The following EMSY variants were observed in gnomAD, a reference collection of about 807,000 sequenced individuals.
EMSY encodes EMSY transcriptional repressor, BRCA2 interacting, also known as BRCA2-interacting transcriptional repressor EMSY.
A neutral mutation model predicts 134.6 loss-of-function variants in EMSY; 26 were observed. That is an observed-to-expected ratio of 0.19 (90% CI 0.14 to 0.27). The LOEUF (loss-of-function observed/expected upper bound fraction) is 0.27. EMSY is among the 10% of genes least tolerant of loss of function. The pLI is 1.00. For missense variants in EMSY, 1,305 were observed against 1,611.4 expected, an observed-to-expected ratio of 0.81 and a Z score of 3.26; for synonymous variants, 579 against 577.8, an observed-to-expected ratio of 1.00 and a Z score of -0.03.
At chr11:76,499,181 C>T (rs867433286) in intron 9 of EMSY, among the ~76,000 whole-genome samples, 7 of 150,568 alleles carry the variant, frequency 4.6e-5, no homozygotes, top group Non-Finnish European at 5.9e-5. Flanking sequence ...AGGCTGGTCT[C>T]GAATGCTGAT....
At chr11:76,471,787 C>T (rs1948579376) in intron 7 of EMSY, among the ~76,000 whole-genome samples, 1 of 152,146 alleles carries the variant, frequency 6.6e-6, no homozygotes, top group African/African-American at 2.4e-5. Flanking sequence ...TACTTCTCTG[C>T]AGTTGTCTAC....
chr11:76,451,797 A>G, intron 2 of EMSY, 61 bp from the exon 3 acceptor site: 1 of 1,048,582 alleles, frequency 9.5e-7, no homozygotes, highest in Non-Finnish European at 1.3e-6. Context: ...GTTTCACTAT[A>G]CATAGCCATA....
chr11:76,467,984 A>G (rs1948423095), intron 7 of EMSY, among the ~76,000 whole-genome samples: 1 of 151,426 alleles, frequency 6.6e-6, no homozygotes. Flanking sequence ...CATCTCAAAA[A>G]AAAAAAACAA....
At chr11:76,484,428 C>A (rs542700267) in intron 8 of EMSY, among the ~76,000 whole-genome samples, 4 of 151,994 alleles carry the variant, frequency 2.6e-5, no homozygotes, top group African/African-American at 9.7e-5. Flanking sequence ...GATAGAGATA[C>A]GAAAAACCCT....
intron 11 of EMSY, among the ~76,000 whole-genome samples, chr11:76,517,785 T>C (rs1950497966): frequency 1.3e-5 from 2 of 152,216 alleles, no homozygotes; most frequent in African/African-American, 4.8e-5. Flanking sequence ...TGAGTGTACA[T>C]GAGTAGAGAC....
intron 6 of EMSY, among the ~76,000 whole-genome samples, chr11:76,461,593 T>C (rs1948119507): frequency 6.6e-6 from 1 of 152,242 alleles, no homozygotes; most frequent in South Asian, 2.1e-4. Context: ...GCCAAGGTGG[T>C]CTTTTAAAAT....
intron 14 of EMSY, among the ~76,000 whole-genome samples, chr11:76,529,497 A>G (rs1950958471): frequency 6.6e-6 from 1 of 152,222 alleles, no homozygotes; most frequent in South Asian, 2.1e-4. Context: ...CATACTAAGC[A>G]TTATGCTAGA....
At chr11:76,520,641 CAG>C in intron 11 of EMSY, among the ~76,000 whole-genome samples, 1 of 152,202 alleles carries the variant, frequency 6.6e-6, no homozygotes, top group East Asian at 1.9e-4. Context: ...TATGTAACCT[CAG>C]AGCATGTTAC....
At position 76,513,832 on chromosome 11, in the gene EMSY, G is replaced by A. The variant is rs570758790; in HGVS notation, c.1513+297G>A. 3.3e-5 allele frequency among the ~76,000 whole-genome samples: 5 copies of A among 152,158 alleles called. No individual in the cohort carries two copies. The East Asian group carries it at 7.7e-4, about 23-fold the overall frequency. On this transcript the variant is annotated intron_variant, in intron 10 of 20. Transcript: ENST00000334736. Reference sequence around the variant, plus strand: ...TTATTGGACCATAAGCTCTGTGAGCGTAAGGGACCATATCCTTTTTATTTA... The same window carrying A: ...TTATTGGACCATAAGCTCTGTGAGCATAAGGGACCATATCCTTTTTATTTA...
At chr11:76,530,586 C>T (rs1951005024) in intron 14 of EMSY, among the ~76,000 whole-genome samples, 1 of 152,132 alleles carries the variant, frequency 6.6e-6, no homozygotes, top group Non-Finnish European at 1.5e-5. Context: ...TTTGCACCAA[C>T]CTAATACATC....
chr11:76,522,135 A>T (rs1224270018), intron 11 of EMSY, among the ~76,000 whole-genome samples: 1 of 152,180 alleles, frequency 6.6e-6, no homozygotes, highest in Non-Finnish European at 1.5e-5. Flanking sequence ...TAGATTTGAT[A>T]GGTAGAAGAG....
At chr11:76,541,087 G>A (rs1441828315) in intron 17 of EMSY, among the ~76,000 whole-genome samples, 2 of 152,172 alleles carry the variant, frequency 1.3e-5, no homozygotes, top group African/African-American at 2.4e-5. Flanking sequence ...TTAGCCTGGC[G>A]TGGTGGTGCA....
chr11:76,507,373 G>A (rs1950115589), intron 9 of EMSY, among the ~76,000 whole-genome samples: 1 of 152,176 alleles, frequency 6.6e-6, no homozygotes, highest in Non-Finnish European at 1.5e-5. Flanking sequence ...TTTCTTTGTA[G>A]CATGGAATGC....
intron 9 of EMSY, among the ~76,000 whole-genome samples, chr11:76,510,451 G>A (rs987682047): frequency 3.5e-4 from 54 of 152,358 alleles, no homozygotes; most frequent in African/African-American, 1.3e-3. Context: ...GAAGTATCTA[G>A]GGTGGGGTAA....
chr11:76,537,600 T>C (rs924508712), intron 15 of EMSY, among the ~76,000 whole-genome samples, 195 bp from the exon 17 acceptor site: 2 of 152,254 alleles, frequency 1.3e-5, no homozygotes, highest in African/African-American at 4.8e-5. Flanking sequence ...CTTACTAGGC[T>C]GCTGAGTATG....
At chr11:76,500,077 A>G in intron 9 of EMSY, among the ~76,000 whole-genome samples, 1 of 29,826 alleles carries the variant, frequency 3.4e-5, no homozygotes, top group East Asian at 3.0e-3. Flanking sequence ...AGCCTATCTC[A>G]AAAAAAAAAA....
chr11:76,466,753 G>A (rs1185429956), intron 7 of EMSY, among the ~76,000 whole-genome samples: 4 of 152,150 alleles, frequency 2.6e-5, no homozygotes, highest in African/African-American at 9.7e-5. Flanking sequence ...TATGGTATTA[G>A]AATCAAACAA....
chr11:76,506,655 T>G (rs149721038), intron 9 of EMSY, among the ~76,000 whole-genome samples: 1 of 152,140 alleles, frequency 6.6e-6, no homozygotes, highest in Admixed American at 6.5e-5. Context: ...AAAAAAATAC[T>G]GAGATAACAT....
intron 14 of EMSY, among the ~76,000 whole-genome samples, chr11:76,535,311 C>T (rs756208020): frequency 6.6e-6 from 1 of 152,104 alleles, no homozygotes; most frequent in African/African-American, 2.4e-5. Flanking sequence ...TACACTTGTC[C>T]TGTTATATCA....
Sources: allele counts gnomAD v4.1 joint callset (sites outside exome capture counted in the v4.1 genomes callset), GRCh38; gene constraint gnomAD v4.1.1; transcripts MANE v1.5; gene names NCBI Gene and HGNC (gene_info 2026-07-23, HGNC 2026-07-21).